ENPP2: variants seen among roughly 807,000 people sequenced by gnomAD.
ENPP2 encodes the protein autotaxin.
Under a neutral mutation model 120.2 loss-of-function variants are expected in ENPP2, and 51 were observed. The observed-to-expected ratio is 0.42, with a 90% confidence interval of 0.34 to 0.54. The LOEUF is 0.54. ENPP2 is among the 20% of genes least tolerant of loss of function. The pLI is 0.04. For missense variants in ENPP2, 920 were observed against 1,066.5 expected (o/e 0.86, Z 1.91); for synonymous variants, 365 against 366.4 (o/e 1.00, Z 0.04).
At chr8:119,644,519 A>G (rs1817372070) in intron 1 of ENPP2, among the ~76,000 whole-genome samples, 2 of 148,508 alleles carry the variant, frequency 1.3e-5, no homozygotes, top group South Asian at 4.3e-4. Context: ...CCCTAGAATT[A>G]AATAGTTACA....
intron 1 of ENPP2, among the ~76,000 whole-genome samples, chr8:119,644,056 C>G (rs1390744015): frequency 6.6e-6 from 1 of 152,076 alleles, no homozygotes; most frequent in Non-Finnish European, 1.5e-5. Flanking sequence ...GAGAGGTTAA[C>G]AGAGGCCGGT....
chr8:119,672,995 G>A (rs1194130611), intron 1 of ENPP2, among the ~76,000 whole-genome samples: 1 of 152,176 alleles, frequency 6.6e-6, no homozygotes, highest in African/African-American at 2.4e-5. Flanking sequence ...AGTTGGACGG[G>A]CTCGCTTTCC....
chr8:119,606,648 G>C (rs1346258585), intron 9 of ENPP2, among the ~76,000 whole-genome samples: 1 of 151,460 alleles, frequency 6.6e-6, no homozygotes, highest in Non-Finnish European at 1.5e-5. Flanking sequence ...TAAAGGGACA[G>C]TGTGTGCTAG....
intron 9 of ENPP2, among the ~76,000 whole-genome samples, chr8:119,607,632 G>A (rs1054573402): frequency 4.0e-5 from 6 of 150,178 alleles, no homozygotes; most frequent in African/African-American, 9.9e-5. Flanking sequence ...CCAAGATTGC[G>A]CCACTGCACT....
At chr8:119,642,803 T>C (rs979975354), upstream of ENPP2, among the ~76,000 whole-genome samples, 7 of 152,204 alleles carry the variant, frequency 4.6e-5, no homozygotes, top group African/African-American at 1.7e-4. Context: ...GCACAGTCTA[T>C]CTTTTCATGA....
chr8:119,582,278 T>C, intron 18 of ENPP2, 140 bp downstream of exon 18: 1 of 632,980 alleles, frequency 1.6e-6, no homozygotes, highest in Non-Finnish European at 2.7e-6. Context: ...AAATTTGAGT[T>C]CCTCAGTCAC....
intron 8 of ENPP2, among the ~76,000 whole-genome samples, chr8:119,612,570 A>T (rs1451079419): frequency 6.6e-6 from 1 of 152,196 alleles, no homozygotes; most frequent in African/African-American, 2.4e-5. Context: ...GAGCAATTCT[A>T]GGTCAAGCAA....
chr8:119,645,976 T>C (rs1430487345), intron 1 of ENPP2, among the ~76,000 whole-genome samples: 14 of 150,514 alleles, frequency 9.3e-5, no homozygotes, highest in Non-Finnish European at 3.0e-5. Context: ...CTTCTAAACT[T>C]TTTTTTTTTG....
At chr8:119,597,597 C>T (rs1416614439) in intron 11 of ENPP2, among the ~76,000 whole-genome samples, 2 of 152,164 alleles carry the variant, frequency 1.3e-5, no homozygotes, top group Non-Finnish European at 2.9e-5. Context: ...CCCTGCATTT[C>T]AGGATACTTT....
At chr8:119,581,866 C>G (rs1175883038) in intron 18 of ENPP2, among the ~76,000 whole-genome samples, 1 of 151,646 alleles carries the variant, frequency 6.6e-6, no homozygotes, top group Non-Finnish European at 1.5e-5. Context: ...ATTCTCCCAC[C>G]TCAGCCTCCC....
In ENPP2 at chr8:119,583,825, C is replaced by CA. The variant is rs778173219; in HGVS notation, c.1456-22dup. 2.6e-6 allele frequency: 4 copies of CA among 1,516,302 alleles called. No individual in the cohort carries two copies. The Admixed American group carries it at 7.0e-5, about 26-fold the overall frequency. 93.9% of individuals were successfully genotyped at this position (1,516,302 alleles called of 1,614,324 possible). ...ACAGTCTTCCAAAAGAAAAGAAAAA[C>CA]AAAAACAGTTAAGCATTGTTAGGTA... On this transcript the variant is annotated intron_variant, in intron 16 of 24. Coordinates refer to ENST00000075322, the MANE Select transcript of ENPP2 (RefSeq NM_001040092.3).
intron 3 of ENPP2, among the ~76,000 whole-genome samples, chr8:119,624,418 C>T (rs2130761350): frequency 6.6e-6 from 1 of 151,960 alleles, no homozygotes; most frequent in South Asian, 2.1e-4. Flanking sequence ...GATGAAAGGT[C>T]CTTGTGTCCT....
intron 1 of ENPP2, among the ~76,000 whole-genome samples, chr8:119,667,332 G>A (rs10505372): frequency 0.33 from 50,442 of 152,044 alleles, 8,660 homozygotes; most frequent in East Asian, 0.5. Flanking sequence ...ATTTCTCTGT[G>A]ACAAAGAACT....
intron 2 of ENPP2, among the ~76,000 whole-genome samples, chr8:119,634,044 G>T: frequency 6.6e-6 from 1 of 152,104 alleles, no homozygotes; most frequent in Middle Eastern, 3.4e-3. Flanking sequence ...TTAGCCTGGC[G>T]CGGTGGTGGG....
intron 9 of ENPP2, among the ~76,000 whole-genome samples, chr8:119,601,917 A>G (rs6986760): frequency 0.52 from 78,651 of 152,008 alleles, 20,793 homozygotes; most frequent in South Asian, 0.7. Context: ...AACAGCAAAG[A>G]ACACTGTACA....
Position 119,582,621 on chromosome 8 carries a change from A to G in ENPP2, c.1544-19T>C. The G allele has an allele frequency of 1.9e-6, 3 of 1,564,890 alleles. No homozygotes were observed. Among genetic ancestry groups the G allele is most frequent in the Non-Finnish European group, 2.6e-6 (3 of 1,137,150 alleles). On this transcript the variant is annotated intron_variant, in intron 17 of 24. Coordinates refer to ENST00000075322, the MANE Select transcript of ENPP2 (RefSeq NM_001040092.3). ...AGGAGATCTAATGAAAATTAAGAAA[A>G]GGAGGCAGGTGCTTCTTATATTTTT...
intron 1 of ENPP2, among the ~76,000 whole-genome samples, chr8:119,646,517 A>C (rs16892912): frequency 0.035 from 5,390 of 152,278 alleles, 313 homozygotes; most frequent in African/African-American, 0.12. Flanking sequence ...CAAGCTGCTT[A>C]ACCAGGCTCA....
chr8:119,559,177 A>T (rs1448193389), intron 24 of ENPP2, among the ~76,000 whole-genome samples: 1 of 152,178 alleles, frequency 6.6e-6, no homozygotes, highest in African/African-American at 2.4e-5. Flanking sequence ...AATGGTACTG[A>T]CCAGTCCTCA....
At chr8:119,629,212 G>A (rs989095180) in intron 2 of ENPP2, among the ~76,000 whole-genome samples, 4 of 151,964 alleles carry the variant, frequency 2.6e-5, no homozygotes, top group African/African-American at 9.7e-5. Flanking sequence ...GTGTGGGTAT[G>A]TATATATATG....
Sources: allele counts gnomAD v4.1 joint callset (sites outside exome capture counted in the v4.1 genomes callset), GRCh38; gene constraint gnomAD v4.1.1; transcripts MANE v1.5; gene names NCBI Gene and HGNC (gene_info 2026-07-23, HGNC 2026-07-21).